Variants in VSX2 observed in about 807,000 individuals in gnomAD.
VSX2 encodes ceh-10 homeo domain containing homolog.
Under a neutral mutation model 32.1 loss-of-function variants are expected in VSX2, and 28 were observed. The ratio of observed to expected loss-of-function variants is 0.87; its 90% CI spans 0.65 to 1.20. The LOEUF (loss-of-function observed/expected upper bound fraction) is 1.20, where lower values mean the gene tolerates loss of function less well. Ranked by LOEUF, VSX2 falls within the 50% of genes most tolerant of loss-of-function variation. VSX2 has a pLI of 0.00. For synonymous variants in VSX2, 243 were observed against 214.1 expected, an observed-to-expected ratio of 1.14 and a Z score of -1.18; for missense variants, 506 against 488.7, an observed-to-expected ratio of 1.04 and a Z score of -0.33.
chr14:74,259,962 C>T (rs1024482782), intron 4 of VSX2, among the ~76,000 whole-genome samples, 180 bp downstream of exon 4: 1 of 152,154 alleles, frequency 6.6e-6, no homozygotes, highest in Non-Finnish European at 1.5e-5. Context: ...GGGCCTGGGG[C>T]CTGGTGTCTG....
chr14:74,260,913 G>T lies in VSX2; in HGVS notation c.1080G>T (p.Met360Ile), dbSNP rs1194478207. The stretch of plus-strand genomic sequence containing the variant: ...TCAGTCCACCGCAGCTGGAGGACAT[G>T]GCTTAGGTCAAGGCGCGCTCAGATG... ...ERLSPPQLED[M>I]A The change falls in exon 5 of 5, where the codon ATG becomes ATT. Residue 360 changes from methionine (M) to isoleucine (I), a missense_variant. Transcript: ENST00000261980. 1.9e-6 allele frequency: 3 copies of T among 1,557,994 alleles called. No homozygotes were observed. Among genetic ancestry groups the T allele is most frequent in the Non-Finnish European group, 2.6e-6 (3 of 1,151,710 alleles).
Position 74,245,154 on chromosome 14 carries a change from G to GAGT in VSX2, c.456-11_456-10insAGT. 6.2e-7 allele frequency: 1 copy of GAGT among 1,613,538 alleles called. No homozygotes were observed. The highest frequency in any genetic ancestry group is 1.1e-5 in the South Asian group (1 of 91,014). Reference sequence around the variant, plus strand: ...TCTGGGGTCCTGAGTGTTCGGTCTTGCTCCCCTCAGGACAATCTTTACCTC... The same window carrying GAGT: ...TCTGGGGTCCTGAGTGTTCGGTCTTGAGTCTCCCCTCAGGACAATCTTTACCTC... On this transcript the variant is annotated splice_polypyrimidine_tract_variant and intron_variant, in intron 2 of 4. Coordinates refer to ENST00000261980, the MANE Select transcript of VSX2 (RefSeq NM_182894.3).
intron 3 of VSX2, among the ~76,000 whole-genome samples, chr14:74,246,910 G>T (rs1308820459): frequency 6.6e-6 from 1 of 152,078 alleles, no homozygotes; most frequent in Non-Finnish European, 1.5e-5. Flanking sequence ...TAACTGCATT[G>T]CTACGAATGC....
rs1398266560 is a variant in VSX2, at chr14:74,260,936, A to T, written c.*17A>T. ...ATGGCTTAGGTCAAGGCGCGCTCAG[A>T]TGCCGGAGCCCCAAGACTCTGCTCT... On this transcript the variant is annotated 3_prime_UTR_variant, in exon 5 of 5. Transcript: ENST00000261980. 1 of 1,550,424 alleles carries T rather than the reference A, an allele frequency of 6.4e-7. No individual in the cohort carries two copies. The highest frequency in any genetic ancestry group is 1.4e-5 in the African/African-American group (1 of 73,010).
intron 3 of VSX2, among the ~76,000 whole-genome samples, chr14:74,255,072 G>T (rs1194067935): frequency 6.6e-6 from 1 of 152,066 alleles, no homozygotes; most frequent in Non-Finnish European, 1.5e-5. Flanking sequence ...GAACCACTAT[G>T]CCTGGCCTGA....
chr14:74,240,003 G>T, intron 1 of VSX2, 72 bp downstream of exon 1: 2 of 1,527,046 alleles, frequency 1.3e-6, no homozygotes, highest in Non-Finnish European at 8.8e-7. Flanking sequence ...GTCGGCTCTC[G>T]CTTGCTGGAC....
At chr14:74,242,595 T>G (rs1337829018) in intron 2 of VSX2, among the ~76,000 whole-genome samples, 1 of 145,900 alleles carries the variant, frequency 6.9e-6, no homozygotes, top group Non-Finnish European at 1.5e-5. Flanking sequence ...AAAGAAAAAT[T>G]TTTTTGGTCT....
At chr14:74,248,368 C>T (rs935615938) in intron 3 of VSX2, among the ~76,000 whole-genome samples, 4 of 102,998 alleles carry the variant, frequency 3.9e-5, no homozygotes, top group Non-Finnish European at 6.3e-5. Context: ...AAACCAAAAA[C>T]GAGACCCTGT....
In VSX2 at chr14:74,239,723, C is replaced by A. The variant is rs61747367; in HGVS notation, c.162C>A (p.Asp54Glu). The A allele has an allele frequency of 5.1e-4, 792 of 1,549,210 alleles. 2 individuals are homozygous for A. In the African/African-American group the frequency reaches 9.0e-3, roughly 18 times the overall value. The change falls in exon 1 of 5, where the codon GAC becomes GAA. Residue 54 changes from aspartate to glutamate, a missense_variant. By Grantham distance (45) the Asp-to-Glu change is conservative. Coordinates refer to ENST00000261980, the MANE Select transcript of VSX2 (RefSeq NM_182894.3). Reference protein sequence around the residue: ...PPSSHPRAALDGLAPGHLLAA... With the variant: ...PPSSHPRAALEGLAPGHLLAA... ...GCTCCCACCCGCGGGCAGCGCTCGA[C>A]GGCCTGGCCCCCGGGCACTTGCTGG...
At chr14:74,250,248 AATT>A (rs1398923991) in intron 3 of VSX2, among the ~76,000 whole-genome samples, 3,158 of 150,152 alleles carry the variant, frequency 0.021, 101 homozygotes, top group African/African-American at 0.072. Flanking sequence ...AAAAAAAAAA[AATT>A]TTTTTTTTTA....
intron 3 of VSX2, among the ~76,000 whole-genome samples, chr14:74,257,136 G>A (rs1053079601): frequency 2.0e-5 from 3 of 152,004 alleles, no homozygotes; most frequent in African/African-American, 7.3e-5. Flanking sequence ...CACACATCCT[G>A]CAGCACAGGC....
At chr14:74,251,959 T>C (rs1594756529) in intron 3 of VSX2, among the ~76,000 whole-genome samples, 1 of 152,062 alleles carries the variant, frequency 6.6e-6, no homozygotes, top group Non-Finnish European at 1.5e-5. Flanking sequence ...GGGCCTGAGG[T>C]AGCGAGGAGA....
chr14:74,255,775 T>C (rs991606402), intron 3 of VSX2, among the ~76,000 whole-genome samples: 2 of 152,094 alleles, frequency 1.3e-5, no homozygotes, highest in African/African-American at 4.8e-5. Flanking sequence ...TCTCTGTCTT[T>C]CTATATTCCA....
chr14:74,244,929 T>TGTGTGTGTGTGTGAGAGAGAGAGA (rs1555387789), intron 2 of VSX2, among the ~76,000 whole-genome samples: 7 of 38,912 alleles, frequency 1.8e-4, no homozygotes, highest in African/African-American at 3.6e-4. Context: ...TGTGTGTGTG[T>TGTGTGTGTGTGTGAGAGAGAGAGA]GAAAGAGAGA....
chr14:74,242,212 C>T (rs1710919948), intron 2 of VSX2, among the ~76,000 whole-genome samples: 1 of 152,078 alleles, frequency 6.6e-6, no homozygotes, highest in Non-Finnish European at 1.5e-5. Flanking sequence ...GCGCTCACCT[C>T]GGAGCTATTT....
At chr14:74,246,622 T>C (rs897939970) in intron 3 of VSX2, among the ~76,000 whole-genome samples, 1 of 152,234 alleles carries the variant, frequency 6.6e-6, no homozygotes, top group African/African-American at 2.4e-5. Flanking sequence ...CGTGTGTGCG[T>C]GTGTGTAAGC....
Position 74,239,934 on chromosome 14 carries a change from A to G in VSX2, c.370+3A>G, listed in dbSNP as rs2079138244. On this transcript the variant is annotated splice_donor_region_variant and intron_variant, in intron 1 of 4. Coordinates refer to ENST00000261980, the MANE Select transcript of VSX2 (RefSeq NM_182894.3). ...CACCAGCCAGACGGCCAGCTCGGGT[A>G]GGTGAGGAGAGGTTGCGCTGCTGCC... The G allele has an allele frequency of 6.4e-7, 1 of 1,559,114 alleles. No individual in the cohort carries two copies. The highest frequency in any genetic ancestry group is 8.7e-7 in the Non-Finnish European group (1 of 1,152,608).
chr14:74,250,278 A>C (rs954435996), intron 3 of VSX2, among the ~76,000 whole-genome samples: 1 of 152,014 alleles, frequency 6.6e-6, no homozygotes, highest in Non-Finnish European at 1.5e-5. Context: ...AGGATATGGC[A>C]TTCTGGAAGT....
intron 4 of VSX2, 148 bp from the exon 5 acceptor site, chr14:74,260,446 C>A: frequency 1.1e-6 from 1 of 878,952 alleles, no homozygotes; most frequent in Non-Finnish European, 1.8e-6. Context: ...TGACCCTGGT[C>A]CAGCCCTGGG....
Sources: gnomAD v4.1 joint callset for allele counts (sites outside exome capture counted in the v4.1 genomes callset) on GRCh38, gnomAD v4.1.1 for gene constraint, MANE v1.5 for transcripts, NCBI Gene and HGNC (gene_info 2026-07-23, HGNC 2026-07-21) for gene names.